UGT1A3: variants seen among roughly 807,000 people sequenced by gnomAD.
UGT1A3 encodes UDP glucuronosyltransferase family 1 member A3, also known as UDP-glucuronosyltransferase 1A3.
In UGT1A3, 31 loss-of-function variants were observed where a neutral mutation model predicts 41.0. That is an observed-to-expected ratio of 0.76 (90% CI 0.57 to 1.02). The LOEUF is 1.02. UGT1A3 is among the 50% of genes least tolerant of loss of function. The pLI is 0.00. For synonymous variants in UGT1A3, 262 were observed against 257.6 expected, an observed-to-expected ratio of 1.02 and a Z score of -0.17; for missense variants, 737 against 671.0, an observed-to-expected ratio of 1.10 and a Z score of -1.09.
rs781412186 is a variant in UGT1A3, at chr2:233,767,080, T to C, written c.914T>C (p.Val305Ala). 6.2e-7 allele frequency: 1 copy of C among 1,614,096 alleles called. No individual in the cohort carries two copies. Among genetic ancestry groups the C allele is most frequent in the South Asian group, 1.1e-5 (1 of 91,078 alleles). ...INASGEHGIV[V>A]FSLGSMVSEI... The stretch of plus-strand genomic sequence containing the variant: ...GCTTCTGGAGAACATGGAATTGTGG[T>C]TTTCTCTTTGGGATCAATGGTCTCA... The change falls in exon 2 of 5, where the codon GTT becomes GCT. Residue 305 changes from valine (V) to alanine (A), a missense_variant. By Grantham distance (64) the Val-to-Ala change is moderately conservative. Transcript: ENST00000482026.
intron 1 of UGT1A3, chr2:233,743,571 C>T: frequency 7.3e-7 from 1 of 1,367,316 alleles, no homozygotes; most frequent in African/African-American, 1.5e-5. Flanking sequence ...AGCGGGTTTC[C>T]CAAGAGGTCA....
At chr2:233,734,012 C>T (rs930293751) in intron 1 of UGT1A3, among the ~76,000 whole-genome samples, 5 of 151,904 alleles carry the variant, frequency 3.3e-5, no homozygotes, top group East Asian at 1.9e-4. Flanking sequence ...TGTTAAATGA[C>T]GAGTTAATGG....
chr2:233,769,562 A>C lies in UGT1A3; in HGVS notation c.1307+1123A>C. The C allele has an allele frequency of 6.2e-7, 1 of 1,612,906 alleles. No homozygotes were observed. The highest frequency in any genetic ancestry group is 8.5e-7 in the Non-Finnish European group (1 of 1,179,830). ...GCAGCAGTCAGGAAGACAGATGTGA[A>C]GAGCTGGAGCATGTTCAGATGAGAG... On this transcript the variant is annotated intron_variant, in intron 4 of 4. Transcript: ENST00000482026. The surrounding 1 kb of genome is among the most constrained non-coding windows in gnomAD (Gnocchi z 4.4).
intron 1 of UGT1A3, chr2:233,747,421 AAC>A: frequency 1.9e-6 from 3 of 1,607,992 alleles, no homozygotes; most frequent in Non-Finnish European, 2.6e-6. Flanking sequence ...ATGCACATCA[AAC>A]AAGAGAAATT....
intron 1 of UGT1A3, among the ~76,000 whole-genome samples, chr2:233,763,573 C>T (rs1559410117): frequency 1.3e-5 from 2 of 152,188 alleles, no homozygotes; most frequent in African/African-American, 4.8e-5. Flanking sequence ...TTCTTATTTT[C>T]TCTTTCTTCC....
intron 1 of UGT1A3, among the ~76,000 whole-genome samples, chr2:233,746,366 TC>T (rs2125877621): frequency 6.6e-6 from 1 of 151,852 alleles, no homozygotes; most frequent in East Asian, 1.9e-4. Context: ...TAGTAACAAG[TC>T]CCTTCATTCT....
At chr2:233,764,272 G>A (rs1014540651) in intron 1 of UGT1A3, among the ~76,000 whole-genome samples, 1 of 152,062 alleles carries the variant, frequency 6.6e-6, no homozygotes, top group African/African-American at 2.4e-5. Context: ...TTCACTCTTT[G>A]GTCATTCCGG....
intron 1 of UGT1A3, among the ~76,000 whole-genome samples, chr2:233,757,535 A>AATAAATATACATATACATATATATAT (rs1553619837): frequency 3.1e-4 from 27 of 88,234 alleles, no homozygotes; most frequent in African/African-American, 1.4e-3. Context: ...GCCTGTAAGG[A>AATAAATATACATATACATATATATAT]ATATATATAT....
chr2:233,768,643 G>T (rs1699688311), intron 4 of UGT1A3, among the ~76,000 whole-genome samples: 1 of 136,596 alleles, frequency 7.3e-6, no homozygotes. Context: ...CTGGAGTGCA[G>T]TGGTGCAATC....
At chr2:233,754,255 AG>A in intron 1 of UGT1A3, 1 of 170,204 alleles carries the variant, frequency 5.9e-6, no homozygotes, top group Admixed American at 5.6e-5. Context: ...CAACGGAAAA[AG>A]GTAAGGCTCA....
chr2:233,747,552 A>T, intron 1 of UGT1A3: 1 of 1,601,266 alleles, frequency 6.2e-7, no homozygotes, highest in Middle Eastern at 1.7e-4. Flanking sequence ...TTCTAAAAGT[A>T]TGGCAATTTT....
rs1421333211 is a variant in UGT1A3, at chr2:233,745,618, A to T, written c.867+15625A>T. Among the ~76,000 whole-genome samples, 6 of 151,724 alleles carry T rather than the reference A, an allele frequency of 4.0e-5. No individual in the cohort carries two copies. The East Asian group carries it at 1.2e-3, about 29-fold the overall frequency. ...CTTGGCACTTGGTAAGCACACAATG[A>T]ACAGTCATAGAAAGCTGGCCGAGGG... On this transcript the variant is annotated intron_variant, in intron 1 of 4. Coordinates refer to ENST00000482026, the MANE Select transcript of UGT1A3 (RefSeq NM_019093.4).
chr2:233,749,046 C>T (rs1190467042), intron 1 of UGT1A3, among the ~76,000 whole-genome samples: 1 of 151,734 alleles, frequency 6.6e-6, no homozygotes, highest in Non-Finnish European at 1.5e-5. Flanking sequence ...ATGTGGTACT[C>T]TGGGACCTGA....
At chr2:233,739,019 A>G (rs1003035720) in intron 1 of UGT1A3, 4 of 152,282 alleles carry the variant, frequency 2.6e-5, no homozygotes, top group African/African-American at 7.2e-5. Flanking sequence ...GGCTCCAGCC[A>G]TGGCTAAAAG....
intron 2 of UGT1A3, 113 bp downstream of exon 2, chr2:233,767,278 T>A: frequency 6.3e-7 from 1 of 1,578,298 alleles, no homozygotes; most frequent in Non-Finnish European, 8.5e-7. Flanking sequence ...GGCTTTTCCC[T>A]GCCACTTCCC....
intron 1 of UGT1A3, among the ~76,000 whole-genome samples, chr2:233,761,658 A>G (rs1473319616): frequency 6.6e-6 from 1 of 152,256 alleles, no homozygotes; most frequent in East Asian, 1.9e-4. Flanking sequence ...TAATGAGTGA[A>G]TCACCAGACA....
chr2:233,760,371 G>A, intron 1 of UGT1A3: 1 of 1,614,158 alleles, frequency 6.2e-7, no homozygotes, highest in Non-Finnish European at 8.5e-7. Flanking sequence ...CCCATGCTGG[G>A]AAGATACTGT....
chr2:233,765,571 G>A (rs997936570), intron 1 of UGT1A3, among the ~76,000 whole-genome samples: 4 of 152,064 alleles, frequency 2.6e-5, no homozygotes, highest in Admixed American at 2.0e-4. Flanking sequence ...ATGCGTAGAC[G>A]CAGGGAGGGG....
At position 233,769,453 on chromosome 2, in the gene UGT1A3, GCATT is replaced by G; in HGVS notation, c.1307+1018_1307+1021del. The G allele has an allele frequency of 6.3e-7, 1 of 1,591,058 alleles. No homozygotes were observed. Among genetic ancestry groups the G allele is most frequent in the Non-Finnish European group, 8.6e-7 (1 of 1,161,716 alleles). Reference sequence around the variant, plus strand: ...TGCTCATGTGTGGGTGCACACGTGTGCATTCATATGCGTGTGTGTGTGTGTGCGT... The same window carrying G: ...TGCTCATGTGTGGGTGCACACGTGTGCATATGCGTGTGTGTGTGTGTGCGT... On this transcript the variant is annotated intron_variant, in intron 4 of 4. Coordinates refer to ENST00000482026, the MANE Select transcript of UGT1A3 (RefSeq NM_019093.4). This position sits in a 1 kb window ranked among gnomAD's most constrained non-coding sequence, Gnocchi z 4.4.
Sources: gnomAD v4.1 joint callset for allele counts (sites outside exome capture counted in the v4.1 genomes callset) on GRCh38, gnomAD v4.1.1 for gene constraint, Gnocchi (gnomAD v3.1) non-coding constraint, MANE v1.5 for transcripts, NCBI Gene and HGNC (gene_info 2026-07-23, HGNC 2026-07-21) for gene names.